Variants in IFITM10 observed in about 807,000 individuals in gnomAD.
IFITM10 encodes the protein interferon-induced transmembrane protein 10.
In IFITM10, 17 loss-of-function variants were observed where a neutral mutation model predicts 19.0. The ratio of observed to expected loss-of-function variants is 0.90; its 90% CI spans 0.61 to 1.34. The LOEUF (loss-of-function observed/expected upper bound fraction) is 1.34, where lower values mean the gene tolerates loss of function less well. Among genes scored for constraint, IFITM10 ranks in the 40% most tolerant of loss-of-function variants. The pLI is 0.00. For synonymous variants in IFITM10, 148 were observed against 147.2 expected (o/e 1.01, Z -0.04); for missense variants, 306 against 319.8 (o/e 0.96, Z 0.33).
At chr11:1,741,345 C>A (rs114169023) in intron 2 of IFITM10, among the ~76,000 whole-genome samples, 2 of 151,240 alleles carry the variant, frequency 1.3e-5, no homozygotes, top group Non-Finnish European at 2.9e-5. Context: ...TGCTAGGTGG[C>A]GGAATGGGCT....
At chr11:1,746,767 G>C (rs1377948097) in intron 2 of IFITM10, 1 of 398,710 alleles carries the variant, frequency 2.5e-6, no homozygotes, top group East Asian at 3.6e-5. Context: ...TGCATTGGTG[G>C]AGTACATCTG....
At chr11:1,748,181 C>T (rs1466667900) in intron 1 of IFITM10, 62 bp from the exon 2 acceptor site, 1 of 1,180,616 alleles carries the variant, frequency 8.5e-7, no homozygotes, top group African/African-American at 1.6e-5. Context: ...CACCCTCACG[C>T]CCAGCAGCTC....
intron 2 of IFITM10, chr11:1,746,365 AAT>A (rs1293474096): frequency 2.8e-5 from 11 of 394,846 alleles, no homozygotes; most frequent in Admixed American, 4.4e-5. Flanking sequence ...CACACACAAA[AAT>A]ATATGTACAC....
At position 1,738,645 on chromosome 11, in the gene IFITM10, A is replaced by C. The variant is rs1322395426; in HGVS notation, c.538-3216T>G. 2.0e-5 allele frequency among the ~76,000 whole-genome samples: 3 copies of C among 152,204 alleles called. No individual in the cohort carries two copies. The East Asian group carries it at 5.8e-4, about 29-fold the overall frequency. ...GGTGAATACACGAGAATGTGTGCTC[A>C]TGTGTCCATGATGGCTTGGACCAGG... On this transcript the variant is annotated intron_variant, in intron 2 of 2. Transcript: ENST00000340134.
intron 2 of IFITM10, among the ~76,000 whole-genome samples, chr11:1,742,383 C>A (rs908227005): frequency 2.0e-5 from 3 of 151,966 alleles, no homozygotes; most frequent in African/African-American, 7.3e-5. Flanking sequence ...AAAAGAAGAA[C>A]GTGAGAAATT....
chr11:1,739,186 C>T (rs973382404), intron 2 of IFITM10, among the ~76,000 whole-genome samples: 7 of 151,674 alleles, frequency 4.6e-5, no homozygotes, highest in Non-Finnish European at 7.4e-5. Flanking sequence ...TCTGAATGCA[C>T]GCTGGATGGC....
intron 2 of IFITM10, among the ~76,000 whole-genome samples, chr11:1,738,753 G>C (rs1354107648): frequency 6.6e-6 from 1 of 152,114 alleles, no homozygotes; most frequent in Non-Finnish European, 1.5e-5. Context: ...CTGGGATCAG[G>C]CTTGCAGTGT....
intron 2 of IFITM10, chr11:1,746,441 C>A (rs1004800593): frequency 2.5e-6 from 1 of 397,616 alleles, no homozygotes; most frequent in African/African-American, 2.1e-5. Flanking sequence ...CCCACTTATG[C>A]AATTACACGT....
chr11:1,736,131 C>T (rs1259933127), intron 2 of IFITM10, among the ~76,000 whole-genome samples: 1 of 152,124 alleles, frequency 6.6e-6, no homozygotes, highest in Non-Finnish European at 1.5e-5. Context: ...TGCGTGTTTG[C>T]TGTAAGAAGA....
rs775057958 is a variant in IFITM10, at chr11:1,738,979, G to A, written c.538-3550C>T. 2.9e-4 allele frequency among the ~76,000 whole-genome samples: 44 copies of A among 150,362 alleles called. 1 individual carries two copies. The highest frequency in any genetic ancestry group is 1.3e-3 in the Admixed American group (20 of 15,028). On this transcript the variant is annotated intron_variant, in intron 2 of 2. Transcript: ENST00000340134. ...TGAGGCAGGAGAATCGCTTGAACTC[G>A]GAGGGCAGAGGTTGCAGTGAGCTGA...
rs182292859 is a variant in IFITM10, at chr11:1,748,042, G to A, written c.162C>T (p.Val54=). The change falls in exon 2 of 3, where the codon GTC becomes GTT. Residue 54 remains valine (V), a synonymous_variant. Transcript: ENST00000340134. ...GAATCCAGAAGGCCCCGTCCAGGGG[G>A]ACTCGGGCTTCCTGGGCGCCGTCCG... ...STTDGAQEAR[V]PLDGAFWIPR... The A allele has an allele frequency of 2.1e-6, 3 of 1,423,408 alleles. No homozygotes were observed. The highest frequency in any genetic ancestry group is 1.5e-5 in the South Asian group (1 of 66,868). The allele number at this position is 1,423,408 out of a possible 1,614,324, so 88.2% of individuals were successfully genotyped here. A position where few individuals can be genotyped will look rare whatever the true frequency, so the allele number is the denominator to read the frequency against.
At chr11:1,736,485 TAGAG>T (rs1851088038) in intron 2 of IFITM10, among the ~76,000 whole-genome samples, 1 of 150,694 alleles carries the variant, frequency 6.6e-6, no homozygotes, top group Non-Finnish European at 1.5e-5. Context: ...AAAAAGAAGA[TAGAG>T]GGAGTGGGGA....
chr11:1,748,807 G>A (rs759169831), intron 1 of IFITM10: 55 of 155,764 alleles, frequency 3.5e-4, no homozygotes, highest in Admixed American at 6.5e-4. Context: ...CACTTGCCCG[G>A]AGCCACGCAC....
chr11:1,742,296 A>G (rs1168994039), intron 2 of IFITM10, among the ~76,000 whole-genome samples: 2 of 152,200 alleles, frequency 1.3e-5, no homozygotes, highest in African/African-American at 4.8e-5. Context: ...GATGGTAGAA[A>G]GAATGAAGGG....
intron 2 of IFITM10, among the ~76,000 whole-genome samples, chr11:1,736,879 A>G (rs1851092936): frequency 6.6e-6 from 1 of 151,778 alleles, no homozygotes; most frequent in Admixed American, 6.6e-5. Flanking sequence ...TTGGAGAGGG[A>G]AGGGAAGGGA....
chr11:1,736,745 G>GGATGGAATGGATGGAGTGGAGTC (rs1851091337), intron 2 of IFITM10, among the ~76,000 whole-genome samples: 1 of 149,226 alleles, frequency 6.7e-6, no homozygotes, highest in East Asian at 1.9e-4. Context: ...GGAGTGGAGT[G>GGATGGAATGGATGGAGTGGAGTC]GATGGAATGG....
chr11:1,746,191 TAC>T (rs1202428878), intron 2 of IFITM10: 1 of 182,402 alleles, frequency 5.5e-6, no homozygotes, highest in East Asian at 1.4e-4. Context: ...TGCACACAGG[TAC>T]ACACACCACA....
intron 2 of IFITM10, chr11:1,746,061 A>T (rs1257248677): frequency 1.4e-5 from 2 of 147,822 alleles, no homozygotes; most frequent in African/African-American, 5.1e-5. Context: ...TACATGTGCC[A>T]TGCACACTCA....
rs1565016687 is a variant in IFITM10, at chr11:1,750,420, G to T, written c.23C>A (p.Pro8Gln). 6.5e-7 allele frequency: 1 copy of T among 1,550,114 alleles called. No homozygotes were observed. Among genetic ancestry groups the T allele is most frequent in the Non-Finnish European group, 8.7e-7 (1 of 1,146,920 alleles). ...CCCCCGGAAGCTGAGGATGCATGGC[G>T]GCCCCCGTTTTCCCTCCCTCATCTC... is the stretch of plus-strand genomic sequence containing the variant. MREGKRG[P>Q]PCILSFRGTL... The change falls in exon 1 of 3, where the codon CCG becomes CAG. Residue 8 changes from proline to glutamine, a missense_variant. By Grantham distance (76) the Pro-to-Gln change is moderately conservative. Coordinates refer to ENST00000340134, the MANE Select transcript of IFITM10 (RefSeq NM_001170820.4).
Sources: gnomAD v4.1 joint callset for allele counts (sites outside exome capture counted in the v4.1 genomes callset) on GRCh38, gnomAD v4.1.1 for gene constraint, MANE v1.5 for transcripts, NCBI Gene and HGNC (gene_info 2026-07-23, HGNC 2026-07-21) for gene names.